The following CDH13 variants were observed in gnomAD, a reference collection of about 807,000 sequenced individuals.
CDH13 encodes cadherin-13.
CDH13 carries 24 observed loss-of-function variants against 63.8 expected under a neutral mutation model. The ratio of observed to expected loss-of-function variants is 0.38; its 90% CI spans 0.27 to 0.53. CDH13 has a LOEUF of 0.53. Ranked by LOEUF, CDH13 falls within the 20% of genes least tolerant of loss-of-function variation. The pLI is 0.85. For missense variants in CDH13, 1,049 were observed against 903.1 expected (o/e 1.16, Z -2.07); for synonymous variants, 503 against 355.3 (o/e 1.42, Z -4.67).
In CDH13 at chr16:83,696,923, C is replaced by A. The variant is rs1186124477; in HGVS notation, c.1538+18462C>A. On this transcript the variant is annotated intron_variant, in intron 10 of 13. Coordinates refer to ENST00000567109, the MANE Select transcript of CDH13 (RefSeq NM_001257.5). ...TCACACTGAAGTAAAACCCAGACCC[C>A]CTGCCCTGGCCCAGGAAGCCCCTGG... Among the ~76,000 whole-genome samples the A allele has an allele frequency of 3.9e-5, 6 of 152,296 alleles. No individual in the cohort carries two copies. In the South Asian group the frequency reaches 1.2e-3, roughly 32 times the overall value.
At chr16:83,538,308 C>T (rs1227540665) in intron 7 of CDH13, among the ~76,000 whole-genome samples, 2 of 152,128 alleles carry the variant, frequency 1.3e-5, no homozygotes, top group Non-Finnish European at 2.9e-5. Context: ...CACCGTTTCC[C>T]AAGCATTAGT....
intron 4 of CDH13, among the ~76,000 whole-genome samples, chr16:83,131,844 A>G (rs2036067081): frequency 6.6e-6 from 1 of 152,224 alleles, no homozygotes; most frequent in Admixed American, 6.5e-5. Flanking sequence ...TAGAAGAAAT[A>G]TGTAACTGGG....
At chr16:82,733,024 T>G (rs2033482075) in intron 1 of CDH13, among the ~76,000 whole-genome samples, 1 of 152,224 alleles carries the variant, frequency 6.6e-6, no homozygotes, top group African/African-American at 2.4e-5. Context: ...AAGGCAAATG[T>G]CAGTAGTAAC....
At chr16:83,599,480 C>A (rs1907578383) in intron 7 of CDH13, among the ~76,000 whole-genome samples, 1 of 152,204 alleles carries the variant, frequency 6.6e-6, no homozygotes, top group Non-Finnish European at 1.5e-5. Flanking sequence ...AGTAATTCCA[C>A]ATCTTGGGAT....
intron 1 of CDH13, among the ~76,000 whole-genome samples, chr16:82,771,423 G>T (rs1304252247): frequency 6.6e-6 from 1 of 152,124 alleles, no homozygotes; most frequent in East Asian, 1.9e-4. Flanking sequence ...TGTTTGTAAG[G>T]GTCTAGGTAG....
intron 8 of CDH13, among the ~76,000 whole-genome samples, chr16:83,607,049 G>C (rs1040854805): frequency 2.6e-5 from 4 of 151,840 alleles, no homozygotes; most frequent in East Asian, 1.9e-4. Flanking sequence ...GTCTTCAGTT[G>C]GTATGTTGCA....
intron 1 of CDH13, among the ~76,000 whole-genome samples, chr16:82,700,682 T>A (rs951738360): frequency 2.0e-5 from 3 of 152,166 alleles, no homozygotes; most frequent in African/African-American, 7.2e-5. Context: ...AGAAAGCAAC[T>A]GTGAGAAGAT....
At chr16:83,112,289 G>T (rs1311473766) in intron 3 of CDH13, among the ~76,000 whole-genome samples, 1 of 152,166 alleles carries the variant, frequency 6.6e-6, no homozygotes, top group Admixed American at 6.5e-5. Context: ...CCGTTGGCAG[G>T]GAACTGCACT....
At chr16:83,281,465 G>A (rs930052474) in intron 5 of CDH13, among the ~76,000 whole-genome samples, 5 of 152,170 alleles carry the variant, frequency 3.3e-5, no homozygotes, top group African/African-American at 1.2e-4. Flanking sequence ...CAGCAATAAG[G>A]CAGTTTCACT....
At chr16:82,725,755 G>C (rs565639062) in intron 1 of CDH13, among the ~76,000 whole-genome samples, 21 of 152,076 alleles carry the variant, frequency 1.4e-4, no homozygotes, top group Non-Finnish European at 2.8e-4. Context: ...CATTCCTTTT[G>C]GCTCTCTGAG....
At chr16:83,206,978 C>T (rs1017560301) in intron 4 of CDH13, among the ~76,000 whole-genome samples, 4 of 152,110 alleles carry the variant, frequency 2.6e-5, no homozygotes, top group Admixed American at 1.3e-4. Flanking sequence ...TAAAATACTT[C>T]GGAATGTGAC....
At chr16:83,000,720 C>T (rs1035563163) in intron 2 of CDH13, among the ~76,000 whole-genome samples, 5 of 151,858 alleles carry the variant, frequency 3.3e-5, no homozygotes, top group African/African-American at 1.2e-4. Context: ...GCTGGGATTA[C>T]AGGTACCCGC....
chr16:82,666,372 A>G (rs967690522), intron 1 of CDH13, among the ~76,000 whole-genome samples: 2 of 152,214 alleles, frequency 1.3e-5, no homozygotes, highest in African/African-American at 4.8e-5. Flanking sequence ...AGGTACCTGA[A>G]TCATGGACAA....
chr16:82,986,336 A>C (rs7192291), intron 2 of CDH13, among the ~76,000 whole-genome samples: 1,923 of 152,318 alleles, frequency 0.013, 28 homozygotes, highest in African/African-American at 0.044. Flanking sequence ...ATACAATCAA[A>C]ACCAAGCCGC....
rs555553945 is a variant in CDH13, at chr16:83,415,948, A to C, written c.782-70529A>C. Among the ~76,000 whole-genome samples, 5 of 152,354 alleles carry C rather than the reference A, an allele frequency of 3.3e-5. No individual in the cohort carries two copies. The South Asian group carries it at 1.0e-3, about 32-fold the overall frequency. ...GAAACAAAAGGGATCCAAAACAGGA[A>C]GAAGTAAAATGTCCCGGTTTGTAGA... On this transcript the variant is annotated intron_variant, in intron 6 of 13. Transcript: ENST00000567109.
intron 4 of CDH13, among the ~76,000 whole-genome samples, chr16:83,169,019 C>G (rs1369509261): frequency 2.6e-5 from 4 of 152,130 alleles, no homozygotes; most frequent in African/African-American, 9.7e-5. Flanking sequence ...TTCTTAGCCT[C>G]AGTGCTTGGA....
At chr16:83,689,644 A>G (rs1904647533) in intron 10 of CDH13, among the ~76,000 whole-genome samples, 1 of 152,172 alleles carries the variant, frequency 6.6e-6, no homozygotes, top group African/African-American at 2.4e-5. Flanking sequence ...ACAAATGCTT[A>G]ATTTGGGGAT....
At chr16:82,634,631 C>G (rs1908427318) in intron 1 of CDH13, among the ~76,000 whole-genome samples, 1 of 152,168 alleles carries the variant, frequency 6.6e-6, no homozygotes, top group East Asian at 1.9e-4. Flanking sequence ...TGCTTTTGTG[C>G]TATAACAACA....
At chr16:83,164,281 G>A (rs1172057979) in intron 4 of CDH13, among the ~76,000 whole-genome samples, 2 of 151,830 alleles carry the variant, frequency 1.3e-5, no homozygotes, top group African/African-American at 4.8e-5. Flanking sequence ...TCAATGTCTG[G>A]TCTGAGGCCA....
Sources: allele counts gnomAD v4.1 joint callset (sites outside exome capture counted in the v4.1 genomes callset), GRCh38; gene constraint gnomAD v4.1.1; transcripts MANE v1.5; gene names NCBI Gene and HGNC (gene_info 2026-07-23, HGNC 2026-07-21).